Variants in PCDHGA5 observed in about 807,000 individuals in gnomAD.
PCDHGA5 encodes the protein protocadherin gamma-A5.
A neutral mutation model predicts 56.7 loss-of-function variants in PCDHGA5; 36 were observed. The ratio of observed to expected loss-of-function variants is 0.64; its 90% CI spans 0.49 to 0.84. The LOEUF is 0.84. Among genes scored for constraint, PCDHGA5 ranks in the 40% least tolerant of loss-of-function variants. The pLI is 0.00. For missense variants in PCDHGA5, 1,305 were observed against 1,201.5 expected (o/e 1.09, Z -1.27); for synonymous variants, 563 against 520.2 (o/e 1.08, Z -1.12).
At chr5:141,438,630 A>ATG (rs2098034686) in intron 1 of PCDHGA5, among the ~76,000 whole-genome samples, 1 of 38,920 alleles carries the variant, frequency 2.6e-5, no homozygotes, top group Non-Finnish European at 4.2e-5. Flanking sequence ...ATATATATAT[A>ATG]TATATACACA....
Position 141,414,827 on chromosome 5 carries a change from C to T in PCDHGA5, c.2421+48076C>T, listed in dbSNP as rs1253521902. On this transcript the variant is annotated intron_variant, in intron 1 of 3. Coordinates refer to ENST00000518069, the MANE Select transcript of PCDHGA5 (RefSeq NM_018918.3). Reference sequence around the variant, plus strand: ...GATCCTCCACTCAGCAGCAACGTGTCGTTGAGCCTGTTTGTGCTGGACCAG... The same window carrying T: ...GATCCTCCACTCAGCAGCAACGTGTTGTTGAGCCTGTTTGTGCTGGACCAG... 1.9e-6 allele frequency: 3 copies of T among 1,614,116 alleles called. No individual in the cohort carries two copies. Among genetic ancestry groups the T allele is most frequent in the African/African-American group, 1.3e-5 (1 of 74,946 alleles).
At position 141,476,632 on chromosome 5, in the gene PCDHGA5, T is replaced by A. The variant is rs994726301; in HGVS notation, c.2422-18175T>A. ...TGGGAAGCAACTCTTTACAAACCTATGAGCTGAGCCGAAATGAATACTTTG... is the reference window on the plus strand; with the variant it reads ...TGGGAAGCAACTCTTTACAAACCTAAGAGCTGAGCCGAAATGAATACTTTG... On this transcript the variant is annotated intron_variant, in intron 1 of 3. Transcript: ENST00000518069. The surrounding 1 kb of genome is among the most constrained non-coding windows in gnomAD (Gnocchi z 7.6). 1 of 1,614,216 alleles carries A rather than the reference T, an allele frequency of 6.2e-7. No individual in the cohort carries two copies. The highest frequency in any genetic ancestry group is 8.5e-7 in the Non-Finnish European group (1 of 1,180,028).
chr5:141,393,500 C>T lies in PCDHGA5; in HGVS notation c.2421+26749C>T, dbSNP rs747121608. 6.2e-6 allele frequency: 10 copies of T among 1,613,922 alleles called. No homozygotes were observed. In the African/African-American group the frequency reaches 6.7e-5, roughly 11 times the overall value. On this transcript the variant is annotated intron_variant, in intron 1 of 3. Coordinates refer to ENST00000518069, the MANE Select transcript of PCDHGA5 (RefSeq NM_018918.3). The stretch of plus-strand genomic sequence containing the variant: ...CTCGCTCTAGCACAGTGCGCATCCA[C>T]GTGACAGTGTTGGATACAAATGACA...
chr5:141,487,312 TAA>T lies in PCDHGA5; in HGVS notation c.2422-7494_2422-7493del, dbSNP rs1464336630. ...TTGGCTCATTCGTGGCACTACTCTC[TAA>T]GTGTCTTCGTGGGGCAGCCTGTGGA... On this transcript the variant is annotated intron_variant, in intron 1 of 3. Transcript: ENST00000518069. The surrounding 1 kb of genome is among the most constrained non-coding windows in gnomAD (Gnocchi z 5.0). 1 of 1,614,158 alleles carries T rather than the reference TAA, an allele frequency of 6.2e-7. No homozygotes were observed. Among genetic ancestry groups the T allele is most frequent in the African/African-American group, 1.3e-5 (1 of 75,056 alleles).
intron 1 of PCDHGA5, among the ~76,000 whole-genome samples, chr5:141,382,312 C>A (rs1778099412): frequency 6.6e-6 from 1 of 152,130 alleles, no homozygotes; most frequent in Admixed American, 6.5e-5. Flanking sequence ...TTTATATACA[C>A]TGATGTAAAT....
At chr5:141,390,854 T>G (rs1366490028) in intron 1 of PCDHGA5, 1 of 157,616 alleles carries the variant, frequency 6.3e-6, no homozygotes, top group Non-Finnish European at 1.4e-5. Context: ...ATATGCAGTG[T>G]ACGCTGTGTG....
Position 141,395,542 on chromosome 5 carries a change from TTGTGTGTGTGTG to T in PCDHGA5, c.2421+28829_2421+28840del, listed in dbSNP as rs55729045. ...TCCATACTGGTAATTTTGCTATTGT[TTGTGTGTGTGTG>T]TGTGTGTGTGTGTGTGTGTGTGTGT... is the stretch of plus-strand genomic sequence containing the variant. On this transcript the variant is annotated intron_variant, in intron 1 of 3. Coordinates refer to ENST00000518069, the MANE Select transcript of PCDHGA5 (RefSeq NM_018918.3). 188 of 172,586 alleles carry T rather than the reference TTGTGTGTGTGTG, an allele frequency of 1.1e-3. 1 individual carries two copies. Among genetic ancestry groups the T allele is most frequent in the African/African-American group, 5.0e-3 (88 of 17,544 alleles). 10.7% of individuals were successfully genotyped at this position (172,586 alleles called of 1,614,324 possible).
At chr5:141,429,469 T>C (rs547784462) in intron 1 of PCDHGA5, among the ~76,000 whole-genome samples, 4 of 151,932 alleles carry the variant, frequency 2.6e-5, no homozygotes, top group African/African-American at 4.8e-5. Context: ...CCCACCTCAA[T>C]CTCCAGAGTA....
rs11410533 is a variant in PCDHGA5, at chr5:141,429,387, TAAAA to T, written c.2421+62641_2421+62644del. Among the ~76,000 whole-genome samples, 383 of 151,446 alleles carry T rather than the reference TAAAA, an allele frequency of 2.5e-3. 1 individual carries two copies. The highest frequency in any genetic ancestry group is 4.2e-3 in the South Asian group (20 of 4,786). ...AAATGGAGAAAATGTGTTTTTTTTT[TAAAA>T]AAAATTGAGATTAAGGTCTCATTAT... On this transcript the variant is annotated intron_variant, in intron 1 of 3. Transcript: ENST00000518069.
In PCDHGA5 at chr5:141,418,848, G is replaced by A. The variant is rs770294020; in HGVS notation, c.2421+52097G>A. 20 of 1,613,836 alleles carry A rather than the reference G, an allele frequency of 1.2e-5. No individual in the cohort carries two copies. Among genetic ancestry groups the A allele is most frequent in the South Asian group, 6.6e-5 (6 of 91,080 alleles). ...AAAGACCGAGGATCTCTCTCAACAC[G>A]GTGTAAAGTAATTGTAGAAGTTGTA... On this transcript the variant is annotated intron_variant, in intron 1 of 3. Coordinates refer to ENST00000518069, the MANE Select transcript of PCDHGA5 (RefSeq NM_018918.3).
rs771804151 is a variant in PCDHGA5, at chr5:141,486,704, A to G, written c.2422-8103A>G. On this transcript the variant is annotated intron_variant, in intron 1 of 3. Coordinates refer to ENST00000518069, the MANE Select transcript of PCDHGA5 (RefSeq NM_018918.3). The surrounding 1 kb of genome is among the most constrained non-coding windows in gnomAD (Gnocchi z 5.0). ...ATCAGCTTCCTCTTTCATCTCTCTG[A>G]ACCCCCAGACAGGAGCTGTTCATGC... 2.2e-5 allele frequency: 35 copies of G among 1,614,016 alleles called. No homozygotes were observed. Among genetic ancestry groups the G allele is most frequent in the Non-Finnish European group, 2.7e-5 (32 of 1,180,032 alleles).
In PCDHGA5 at chr5:141,383,270, T is replaced by C. The variant is rs373497176; in HGVS notation, c.2421+16519T>C. 25 of 1,613,746 alleles carry C rather than the reference T, an allele frequency of 1.5e-5. No homozygotes were observed. Among genetic ancestry groups the C allele is most frequent in the East Asian group, 1.1e-4 (5 of 44,896 alleles). On this transcript the variant is annotated intron_variant, in intron 1 of 3. Transcript: ENST00000518069. ...CTTTACCCTATAGACGTGGAAATAA[T>C]AGATATTAATGACAACGTTCCAAGA...
At position 141,422,169 on chromosome 5, in the gene PCDHGA5, A is replaced by G. The variant is rs1386896405; in HGVS notation, c.2421+55418A>G. 2.6e-6 allele frequency: 4 copies of G among 1,563,898 alleles called. No homozygotes were observed. In the South Asian group the frequency reaches 4.9e-5, roughly 19 times the overall value. On this transcript the variant is annotated intron_variant, in intron 1 of 3. Coordinates refer to ENST00000518069, the MANE Select transcript of PCDHGA5 (RefSeq NM_018918.3). ...GGTCTCTGGATTTTGAAAAATATAG[A>G]TTCTATGAGATGGAAATTCAAGGCC...
rs1379738059 is a variant in PCDHGA5, at chr5:141,364,582, G to T, written c.252G>T (p.Leu84Phe). The change falls in exon 1 of 4, where the codon TTG (leucine) becomes TTT (phenylalanine). Residue 84 changes from leucine to phenylalanine, a missense_variant. Leu to Phe is a conservative substitution (Grantham distance 22). Transcript: ENST00000518069. Reference sequence around the variant, plus strand: ...CCCTGAACCCGCGAAGCGGCAGCTTGGTCACCGCGGGCAGGATAGACCGGG... The same window carrying T: ...CCCTGAACCCGCGAAGCGGCAGCTTTGTCACCGCGGGCAGGATAGACCGGG... ...LFALNPRSGS[L>F]VTAGRIDREE... 1 of 1,614,088 alleles carries T rather than the reference G, an allele frequency of 6.2e-7. No homozygotes were observed. The highest frequency in any genetic ancestry group is 1.3e-5 in the African/African-American group (1 of 74,950).
intron 1 of PCDHGA5, chr5:141,423,780 T>C: frequency 8.0e-7 from 1 of 1,243,766 alleles, no homozygotes; most frequent in Non-Finnish European, 1.0e-6. Flanking sequence ...ATATATTTAG[T>C]TCATATATAT....
intron 1 of PCDHGA5, chr5:141,398,338 G>A (rs1261830149): frequency 4.4e-6 from 6 of 1,375,730 alleles, no homozygotes; most frequent in Non-Finnish European, 6.0e-6. Context: ...CGTCAGTTCG[G>A]AGAAGCCTTA....
At chr5:141,419,936 G>C in intron 1 of PCDHGA5, 1 of 1,614,074 alleles carries the variant, frequency 6.2e-7, no homozygotes, top group Non-Finnish European at 8.5e-7. Context: ...GTTTTACCTG[G>C]TGGTGGCCTT....
intron 1 of PCDHGA5, chr5:141,403,336 C>T (rs2094393288): frequency 1.9e-6 from 3 of 1,614,032 alleles, no homozygotes; most frequent in Non-Finnish European, 2.5e-6. Flanking sequence ...ATATTAACGA[C>T]AGCGCCCCAA....
chr5:141,416,378 A>C (rs2096019434), intron 1 of PCDHGA5: 1 of 152,230 alleles, frequency 6.6e-6, no homozygotes, highest in South Asian at 2.1e-4. Flanking sequence ...GAAATTAAGA[A>C]TATTTGGGAT....
Sources: gnomAD v4.1 joint callset for allele counts (sites outside exome capture counted in the v4.1 genomes callset) on GRCh38, gnomAD v4.1.1 for gene constraint, Gnocchi (gnomAD v3.1) non-coding constraint, MANE v1.5 for transcripts, NCBI Gene and HGNC (gene_info 2026-07-23, HGNC 2026-07-21) for gene names.